The following TMEM170A variants were observed in gnomAD, a reference collection of about 807,000 sequenced individuals.
TMEM170A encodes the protein transmembrane protein 170A.
A neutral mutation model predicts 12.8 loss-of-function variants in TMEM170A; 18 were observed. The ratio of observed to expected loss-of-function variants is 1.41; its 90% CI spans 0.97 to 2.09. The LOEUF (loss-of-function observed/expected upper bound fraction) is 2.09, where lower values mean the gene tolerates loss of function less well. Ranked by LOEUF, TMEM170A falls within the 30% of genes most tolerant of loss-of-function variation. The probability of loss-of-function intolerance (pLI) is 0.00; values close to 1 mark genes in which losing one functional copy is unlikely to be tolerated. For missense variants in TMEM170A, 220 were observed against 179.9 expected (o/e 1.22, Z -1.28); for synonymous variants, 107 against 76.2 (o/e 1.40, Z -2.11).
intron 1 of TMEM170A, among the ~76,000 whole-genome samples, chr16:75,463,986 G>A (rs1039398812): frequency 6.6e-6 from 1 of 152,244 alleles, no homozygotes; most frequent in Non-Finnish European, 1.5e-5. Flanking sequence ...ATCAGCGAAC[G>A]AGCGCCTGCG....
At chr16:75,454,564 G>C (rs895196287) in intron 1 of TMEM170A, among the ~76,000 whole-genome samples, 1 of 152,084 alleles carries the variant, frequency 6.6e-6, no homozygotes, top group African/African-American at 2.4e-5. Context: ...GAACCCAGGA[G>C]GCAGAGGTTG....
chr16:75,455,356 C>A lies in TMEM170A; in HGVS notation c.134-3517G>T, dbSNP rs867479498. 7.8e-3 allele frequency among the ~76,000 whole-genome samples: 866 copies of A among 110,756 alleles called. 2 individuals are homozygous for A. The highest frequency in any genetic ancestry group is 0.012 in the South Asian group (38 of 3,220). 72.7% of individuals were successfully genotyped at this position (110,756 alleles called of 152,430 possible). A position where few individuals can be genotyped will look rare whatever the true frequency, so the allele number is the denominator to read the frequency against. On this transcript the variant is annotated intron_variant, in intron 1 of 2. Transcript: ENST00000561878. ...TGGGTGACAGAGCGAGACACTGTCT[C>A]AAAAAAAAAAAAAAAAATGCAATAG...
chr16:75,453,812 T>C (rs1172484537), intron 1 of TMEM170A, among the ~76,000 whole-genome samples: 1 of 152,232 alleles, frequency 6.6e-6, no homozygotes, highest in African/African-American at 2.4e-5. Context: ...AACATTAAGA[T>C]ACATATAATC....
rs1030314708 is a variant in TMEM170A at position 75,443,168 on chromosome 16, T to C, written c.*4390A>G. 5.3e-5 allele frequency: 8 copies of C among 152,152 alleles called. No homozygotes were observed. The highest frequency in any genetic ancestry group is 1.9e-4 in the African/African-American group (8 of 41,456). 9.4% of individuals were successfully genotyped at this position (152,152 alleles called of 1,614,324 possible). On this transcript the variant is annotated 3_prime_UTR_variant, in exon 3 of 3. Transcript: ENST00000561878. The stretch of plus-strand genomic sequence containing the variant: ...GCTAGATATTAAGTTATTTAAAAAA[T>C]GAAAACTGAAGTCAATTTTATTACA...
At chr16:75,463,078 GAA>G (rs964626915) in intron 1 of TMEM170A, among the ~76,000 whole-genome samples, 5 of 152,092 alleles carry the variant, frequency 3.3e-5, no homozygotes, top group Non-Finnish European at 1.5e-5. Context: ...CAGAGAGAGA[GAA>G]AGAGAAACAG....
At chr16:75,464,261 G>A in intron 1 of TMEM170A, 3 of 1,497,526 alleles carry the variant, frequency 2.0e-6, no homozygotes, top group Non-Finnish European at 2.7e-6. Flanking sequence ...CTCACGCCCA[G>A]CGGGACTCCG....
chr16:75,447,722 A>C, intron 2 of TMEM170A, 34 bp from the exon 3 acceptor site: 1 of 1,560,696 alleles, frequency 6.4e-7, no homozygotes. Context: ...AAACAAAAAC[A>C]AAAAACGAAG....
rs1567695368 is a variant in TMEM170A at position 75,446,246 on chromosome 16, T to TACC, written c.*1309_*1311dup. The TACC allele has an allele frequency of 6.6e-6, 1 of 151,314 alleles. No individual in the cohort carries two copies. Among genetic ancestry groups the TACC allele is most frequent in the Non-Finnish European group, 1.5e-5 (1 of 67,940 alleles). The allele number at this position is 151,314 out of a possible 1,614,324, so 9.4% of individuals were successfully genotyped here. ...CTATTTTGCAGATAACCACCACCAC[T>TACC]ACCACCACACTGATTGTATTCCATA... On this transcript the variant is annotated 3_prime_UTR_variant, in exon 3 of 3. Coordinates refer to ENST00000561878, the MANE Select transcript of TMEM170A (RefSeq NM_145254.3).
In TMEM170A at chr16:75,464,469, T is replaced by A. The variant is rs111320565; in HGVS notation, c.132A>T (p.Pro44=). 7 of 1,512,440 alleles carry A rather than the reference T, an allele frequency of 4.6e-6. No individual in the cohort carries two copies. The highest frequency in any genetic ancestry group is 3.7e-5 in the South Asian group (3 of 80,758). 93.7% of individuals were successfully genotyped at this position (1,512,440 alleles called of 1,614,324 possible). The change falls in exon 1 of 3, where the codon CCA becomes CCT. Residue 44 remains proline (P), a splice_region_variant and synonymous_variant. Coordinates refer to ENST00000561878, the MANE Select transcript of TMEM170A (RefSeq NM_145254.3). The part of the protein sequence containing the change: ...CPNSTSLCSF[P]EMWYGVFLWA... ...GCGCAGGCGCGGGGCGGGCCGTACC[T>A]GGGAAGGAGCAGAGGGAAGTAGAGT...
chr16:75,464,400 C>T (rs1374632395), intron 1 of TMEM170A, 68 bp downstream of exon 1: 4 of 1,383,742 alleles, frequency 2.9e-6, no homozygotes, highest in African/African-American at 1.5e-5. Context: ...CGCCCAGACT[C>T]GGGGCGCCCA....
At chr16:75,462,497 C>T (rs953628176) in intron 1 of TMEM170A, among the ~76,000 whole-genome samples, 7 of 152,240 alleles carry the variant, frequency 4.6e-5, no homozygotes, top group Admixed American at 1.3e-4. Context: ...GTGTGAGCCA[C>T]TGAGCCAGGC....
chr16:75,458,766 T>C (rs1320072786), intron 1 of TMEM170A: 1 of 152,214 alleles, frequency 6.6e-6, no homozygotes, highest in Admixed American at 6.5e-5. Context: ...AAAAAGTTAA[T>C]CACTGATCAA....
intron 1 of TMEM170A, among the ~76,000 whole-genome samples, chr16:75,452,425 G>A (rs756157751): frequency 6.6e-5 from 10 of 152,044 alleles, no homozygotes; most frequent in East Asian, 1.9e-4. Flanking sequence ...GTGCTACCAC[G>A]CCTGGCAAAA....
intron 1 of TMEM170A, among the ~76,000 whole-genome samples, chr16:75,457,700 C>T (rs944982244): frequency 2.6e-5 from 4 of 152,160 alleles, no homozygotes. Context: ...AGTCACCAAC[C>T]CACATCTCAA....
intron 2 of TMEM170A, among the ~76,000 whole-genome samples, chr16:75,449,712 G>A (rs978407616): frequency 6.6e-6 from 1 of 152,158 alleles, no homozygotes; most frequent in African/African-American, 2.4e-5. Context: ...AACATTTAGT[G>A]ATTTAAAATG....
At position 75,455,356 on chromosome 16, in the gene TMEM170A, C is replaced by CA. The variant is rs59205915; in HGVS notation, c.134-3518dup. On this transcript the variant is annotated intron_variant, in intron 1 of 2. Transcript: ENST00000561878. ...TGGGTGACAGAGCGAGACACTGTCT[C>CA]AAAAAAAAAAAAAAAAATGCAATAG... Among the ~76,000 whole-genome samples, 26 of 110,824 alleles carry CA rather than the reference C, an allele frequency of 2.3e-4. 2 individuals are homozygous for CA. Among genetic ancestry groups the CA allele is most frequent in the African/African-American group, 6.6e-4 (19 of 28,682 alleles). 72.7% of individuals were successfully genotyped at this position (110,824 alleles called of 152,430 possible). A position where few individuals can be genotyped will look rare whatever the true frequency, so the allele number is the denominator to read the frequency against.
Position 75,464,633 on chromosome 16 carries a change from C to G in TMEM170A, c.-33G>C. On this transcript the variant is annotated 5_prime_UTR_variant, in exon 1 of 3. Transcript: ENST00000561878. Reference sequence around the variant, plus strand: ...CCATTCACCACAGAGAAATGAGGGACGAGCGCCCGAAGTGCGGTAGCGGCC... The same window carrying G: ...CCATTCACCACAGAGAAATGAGGGAGGAGCGCCCGAAGTGCGGTAGCGGCC... 2 of 1,556,644 alleles carry G rather than the reference C, an allele frequency of 1.3e-6. No homozygotes were observed. The highest frequency in any genetic ancestry group is 1.7e-6 in the Non-Finnish European group (2 of 1,156,800).
intron 1 of TMEM170A, chr16:75,460,046 C>T (rs12932606): frequency 0.56 from 85,037 of 151,804 alleles, 24,886 homozygotes; most frequent in Admixed American, 0.69. Flanking sequence ...CAACTGTAGT[C>T]AACCACCTCT....
At chr16:75,456,290 T>C (rs575155086) in intron 1 of TMEM170A, among the ~76,000 whole-genome samples, 1 of 152,204 alleles carries the variant, frequency 6.6e-6, no homozygotes, top group South Asian at 2.1e-4. Context: ...TCAATGCTTA[T>C]TAAAAATAAC....
Sources: gnomAD v4.1 joint callset for allele counts (sites outside exome capture counted in the v4.1 genomes callset) on GRCh38, gnomAD v4.1.1 for gene constraint, MANE v1.5 for transcripts, NCBI Gene and HGNC (gene_info 2026-07-23, HGNC 2026-07-21) for gene names.